CMSS1: variants seen among roughly 807,000 people sequenced by gnomAD.
CMSS1 encodes protein CMSS1.
Under a neutral mutation model 43.5 loss-of-function variants are expected in CMSS1, and 33 were observed. The observed-to-expected ratio is 0.76, with a 90% confidence interval of 0.57 to 1.01. The LOEUF (loss-of-function observed/expected upper bound fraction) is 1.01, where lower values mean the gene tolerates loss of function less well. CMSS1 is among the 50% of genes least tolerant of loss of function. The probability of loss-of-function intolerance (pLI) is 0.00; values close to 1 mark genes in which losing one functional copy is unlikely to be tolerated. For synonymous variants in CMSS1, 115 were observed against 117.2 expected (o/e 0.98, Z 0.12); for missense variants, 313 against 326.4 (o/e 0.96, Z 0.32).
At chr3:100,011,848 A>G (rs1710166020) in intron 1 of CMSS1, 1 of 152,208 alleles carries the variant, frequency 6.6e-6, no homozygotes, top group Non-Finnish European at 1.5e-5. Context: ...ATAAATAGAT[A>G]CTCATATCAG....
intron 1 of CMSS1, chr3:99,930,164 A>T: frequency 1.4e-6 from 1 of 731,658 alleles, no homozygotes; most frequent in Non-Finnish European, 2.2e-6. Context: ...TCACACTTTT[A>T]TAAAAGGTAA....
intron 1 of CMSS1, among the ~76,000 whole-genome samples, chr3:99,960,045 T>C (rs576875641): frequency 1.3e-5 from 2 of 152,292 alleles, no homozygotes; most frequent in African/African-American, 4.8e-5. Flanking sequence ...TTATAAATTG[T>C]CTAAAGTGTG....
rs2067181614 is a variant in CMSS1 at position 100,181,047 on chromosome 3, T to TGGGAA, written c.*2659_*2660insGGGAA. 1 of 152,166 alleles carries TGGGAA rather than the reference T, an allele frequency of 6.6e-6. No homozygotes were observed. Among genetic ancestry groups the TGGGAA allele is most frequent in the Non-Finnish European group, 1.5e-5 (1 of 68,032 alleles). 9.4% of individuals were successfully genotyped at this position (152,166 alleles called of 1,614,324 possible). A position where few individuals can be genotyped will look rare whatever the true frequency, so the allele number is the denominator to read the frequency against. On this transcript the variant is annotated 3_prime_UTR_variant, in exon 10 of 10. Coordinates refer to ENST00000421999, the MANE Select transcript of CMSS1 (RefSeq NM_032359.4). ...GTGAAGGGGGAAGTGCTATACACTT[T>TGGGAA]TAAACAATCAGATCTCTTGAGAACT...
intron 1 of CMSS1, among the ~76,000 whole-genome samples, chr3:99,905,913 C>G (rs1166213135): frequency 6.6e-6 from 1 of 152,166 alleles, no homozygotes; most frequent in Non-Finnish European, 1.5e-5. Flanking sequence ...GCCTTTCTGG[C>G]CAGGCGCAGT....
intron 1 of CMSS1, among the ~76,000 whole-genome samples, chr3:100,071,650 G>A (rs2065765882): frequency 6.6e-6 from 1 of 152,110 alleles, no homozygotes; most frequent in South Asian, 2.1e-4. Flanking sequence ...TCTTTATCCT[G>A]GACAGATCTT....
intron 1 of CMSS1, among the ~76,000 whole-genome samples, chr3:99,948,498 T>C (rs910366229): frequency 1.4e-5 from 2 of 145,436 alleles, no homozygotes; most frequent in African/African-American, 2.6e-5. Context: ...GAGCCATGAT[T>C]ATATCATCAC....
intron 1 of CMSS1, among the ~76,000 whole-genome samples, chr3:99,990,861 C>G (rs1709490102): frequency 6.6e-6 from 1 of 152,130 alleles, no homozygotes; most frequent in Non-Finnish European, 1.5e-5. Context: ...TTTTCTCCAA[C>G]AGATAAATAT....
At chr3:99,864,916 A>G (rs549975929) in intron 1 of CMSS1, among the ~76,000 whole-genome samples, 6 of 152,182 alleles carry the variant, frequency 3.9e-5, no homozygotes, top group Middle Eastern at 3.2e-3. Flanking sequence ...GTATGTGCGC[A>G]CACACGCATC....
At chr3:100,145,172 G>A (rs1479421702) in intron 1 of CMSS1, among the ~76,000 whole-genome samples, 6 of 152,034 alleles carry the variant, frequency 3.9e-5, no homozygotes, top group African/African-American at 1.2e-4. Context: ...TGGGTATGGT[G>A]GCTCATGCCT....
chr3:100,139,567 A>G lies in CMSS1; in HGVS notation c.65-7406A>G, dbSNP rs997693620. Among the ~76,000 whole-genome samples, 97 of 124,688 alleles carry G rather than the reference A, an allele frequency of 7.8e-4. 1 individual carries two copies. The highest frequency in any genetic ancestry group is 2.3e-3 in the African/African-American group (72 of 31,664). The allele number at this position is 124,688 out of a possible 152,430, so 81.8% of individuals were successfully genotyped here. Reference sequence around the variant, plus strand: ...TGTGTGTGTGTGTGTGTGTGTGTGTATGTATATATATGTGTATATATATGT... The same window carrying G: ...TGTGTGTGTGTGTGTGTGTGTGTGTGTGTATATATATGTGTATATATATGT... On this transcript the variant is annotated intron_variant, in intron 1 of 9. Coordinates refer to ENST00000421999, the MANE Select transcript of CMSS1 (RefSeq NM_032359.4).
intron 1 of CMSS1, among the ~76,000 whole-genome samples, chr3:100,028,509 T>C (rs1319817499): frequency 1.3e-5 from 2 of 152,216 alleles, no homozygotes; most frequent in African/African-American, 2.4e-5. Context: ...TTAATTCACG[T>C]TGGAGAATAG....
chr3:99,856,211 C>G (rs192857032), intron 1 of CMSS1, among the ~76,000 whole-genome samples: 1 of 152,334 alleles, frequency 6.6e-6, no homozygotes, highest in African/African-American at 2.4e-5. Flanking sequence ...GAGGGGTTTC[C>G]AACCCAGGAA....
intron 1 of CMSS1, chr3:99,850,145 A>C (rs1311300684): frequency 1.2e-6 from 2 of 1,611,156 alleles, no homozygotes; most frequent in African/African-American, 1.3e-5. Context: ...GTTTTCTTTA[A>C]TTTTTCACTC....
At chr3:99,848,869 A>G in intron 1 of CMSS1, 1 of 1,614,110 alleles carries the variant, frequency 6.2e-7, no homozygotes, top group South Asian at 1.1e-5. Context: ...ACAGTTCGGT[A>G]TCACTGCAGT....
intron 1 of CMSS1, among the ~76,000 whole-genome samples, chr3:99,934,907 A>G (rs1312961732): frequency 6.6e-6 from 1 of 152,234 alleles, no homozygotes; most frequent in East Asian, 1.9e-4. Flanking sequence ...GGCTGGGGAT[A>G]GTAGCATCAA....
At chr3:99,987,057 C>G (rs1253367627) in intron 1 of CMSS1, among the ~76,000 whole-genome samples, 25 of 150,902 alleles carry the variant, frequency 1.7e-4, no homozygotes. Flanking sequence ...AGTGACACCC[C>G]ATCACTACAA....
chr3:100,014,887 C>CTTTTTTTTTTTTTTTTTTTTTT (rs1559725867), intron 1 of CMSS1, among the ~76,000 whole-genome samples: 2 of 32,466 alleles, frequency 6.2e-5, no homozygotes, highest in Non-Finnish European at 1.2e-4. Context: ...TTTTTTTTTT[C>CTTTTTTTTTTTTTTTTTTTTTT]TTTCTTTCTT....
At chr3:99,890,342 AT>A (rs1421280425) in intron 1 of CMSS1, among the ~76,000 whole-genome samples, 2 of 151,702 alleles carry the variant, frequency 1.3e-5, no homozygotes, top group Non-Finnish European at 2.9e-5. Context: ...GATTTCTTTT[AT>A]TTTGTCCTTA....
chr3:99,994,533 T>C (rs10212525), intron 1 of CMSS1, among the ~76,000 whole-genome samples: 28,804 of 152,128 alleles, frequency 0.19, 3,012 homozygotes, highest in South Asian at 0.25. Context: ...ATATCAAATA[T>C]CTTCTCAGAA....
Sources: gnomAD v4.1 joint callset for allele counts (sites outside exome capture counted in the v4.1 genomes callset) on GRCh38, gnomAD v4.1.1 for gene constraint, MANE v1.5 for transcripts, NCBI Gene and HGNC (gene_info 2026-07-23, HGNC 2026-07-21) for gene names.